Variants in CTNNA2 observed in about 807,000 individuals in gnomAD.
The protein encoded by CTNNA2 is catenin alpha 2, also known as catenin alpha-2.
Under a neutral mutation model 101.0 loss-of-function variants are expected in CTNNA2, and 42 were observed. The ratio of observed to expected loss-of-function variants is 0.42; its 90% confidence interval spans 0.32 to 0.54. The LOEUF (loss-of-function observed/expected upper bound fraction) is 0.54. CTNNA2 is among the 20% of genes least tolerant of loss of function. CTNNA2 has a pLI of 0.14. For missense variants in CTNNA2, 871 were observed against 1,223.1 expected (o/e 0.71, Z 4.29); for synonymous variants, 450 against 456.4 (o/e 0.99, Z 0.18).
In CTNNA2 at chr2:79,924,638, T is replaced by C. The variant is rs142080226; in HGVS notation, c.1056+14841T>C. 1.7e-4 allele frequency among the ~76,000 whole-genome samples: 26 copies of C among 152,260 alleles called. No homozygotes were observed. The East Asian group carries it at 5.0e-3, about 29-fold the overall frequency. The stretch of plus-strand genomic sequence containing the variant: ...TAACTAGACATAGGGATGGTTGTTT[T>C]GTACCCTAACTTGACCAAGGGGTTG... On this transcript the variant is annotated intron_variant, in intron 7 of 18. Transcript: ENST00000402739.
intron 7 of CTNNA2, among the ~76,000 whole-genome samples, chr2:79,989,592 C>T (rs761624622): frequency 2.4e-4 from 36 of 152,298 alleles, no homozygotes; most frequent in East Asian, 1.9e-4. Context: ...ACCATGATCA[C>T]ACCACTGCAC....
chr2:80,639,997 G>A (rs1475237523), intron 18 of CTNNA2, among the ~76,000 whole-genome samples: 1 of 152,040 alleles, frequency 6.6e-6, no homozygotes, highest in Non-Finnish European at 1.5e-5. Flanking sequence ...AGCTACTCAG[G>A]AGGCTGAGGT....
At chr2:79,335,724 G>C (rs892267455) in intron 3 of CTNNA2, among the ~76,000 whole-genome samples, 3 of 152,196 alleles carry the variant, frequency 2.0e-5, no homozygotes, top group African/African-American at 7.2e-5. Context: ...GTTGGGCAAA[G>C]ATGTCTATGA....
At chr2:80,091,255 A>G (rs1699772770) in intron 7 of CTNNA2, among the ~76,000 whole-genome samples, 2 of 152,126 alleles carry the variant, frequency 1.3e-5, no homozygotes, top group South Asian at 2.1e-4. Context: ...GCTACAATTT[A>G]TCAATAGGAC....
At chr2:80,441,899 G>A (rs1344657512) in intron 9 of CTNNA2, among the ~76,000 whole-genome samples, 2 of 152,212 alleles carry the variant, frequency 1.3e-5, no homozygotes, top group Non-Finnish European at 1.5e-5. Context: ...GCCGAGGTGA[G>A]CCATTTTCCT....
At chr2:80,179,291 T>G (rs902020373) in intron 7 of CTNNA2, among the ~76,000 whole-genome samples, 1 of 152,232 alleles carries the variant, frequency 6.6e-6, no homozygotes, top group African/African-American at 2.4e-5. Flanking sequence ...CCAAGATCCA[T>G]CTGTCTTCTG....
At chr2:79,982,192 CTATATA>C (rs70940064) in intron 7 of CTNNA2, among the ~76,000 whole-genome samples, 778 of 74,662 alleles carry the variant, frequency 0.01, 11 homozygotes, top group Admixed American at 0.024. Flanking sequence ...GCATGTGCCA[CTATATA>C]TATATATATA....
At chr2:79,236,450 G>C (rs183423412) in intron 2 of CTNNA2, among the ~76,000 whole-genome samples, 1 of 152,310 alleles carries the variant, frequency 6.6e-6, no homozygotes, top group Admixed American at 6.5e-5. Context: ...TCATTTTGCT[G>C]GTGGAGGGTC....
At chr2:80,036,660 C>T (rs1695671615) in intron 7 of CTNNA2, among the ~76,000 whole-genome samples, 1 of 152,206 alleles carries the variant, frequency 6.6e-6, no homozygotes, top group South Asian at 2.1e-4. Context: ...AGGAGATAAA[C>T]ATGAGCTGGG....
chr2:79,390,549 C>A (rs1573142980), intron 4 of CTNNA2, among the ~76,000 whole-genome samples: 1 of 152,264 alleles, frequency 6.6e-6, no homozygotes, highest in East Asian at 1.9e-4. Context: ...AGTTTTCTTA[C>A]AGCACTTGTC....
At chr2:79,421,114 G>C (rs968355131) in intron 4 of CTNNA2, among the ~76,000 whole-genome samples, 2 of 152,236 alleles carry the variant, frequency 1.3e-5, no homozygotes, top group South Asian at 4.2e-4. Context: ...AGGAGGGTAG[G>C]TTTCCTCTCT....
chr2:79,303,059 C>T (rs564894820), intron 2 of CTNNA2, among the ~76,000 whole-genome samples: 1 of 152,278 alleles, frequency 6.6e-6, no homozygotes, highest in Non-Finnish European at 1.5e-5. Context: ...GGATGCTATG[C>T]TGATTTTTGA....
At chr2:80,269,137 T>C (rs990743510) in intron 7 of CTNNA2, among the ~76,000 whole-genome samples, 1 of 152,214 alleles carries the variant, frequency 6.6e-6, no homozygotes, top group Non-Finnish European at 1.5e-5. Context: ...AAAGGTGATA[T>C]AGTTTGGCTG....
At chr2:80,516,362 C>A (rs150039529) in intron 9 of CTNNA2, among the ~76,000 whole-genome samples, 1 of 152,126 alleles carries the variant, frequency 6.6e-6, no homozygotes, top group African/African-American at 2.4e-5. Flanking sequence ...GATTTCCATG[C>A]GGTCCTTACC....
At chr2:80,629,557 GAA>G (rs1553414565) in intron 18 of CTNNA2, among the ~76,000 whole-genome samples, 1 of 152,128 alleles carries the variant, frequency 6.6e-6, no homozygotes, top group Non-Finnish European at 1.5e-5. Context: ...GGAAGTGGAG[GAA>G]AGAGAAACCT....
At chr2:79,837,357 G>A (rs1000057416) in intron 3 of CTNNA2, among the ~76,000 whole-genome samples, 6 of 152,148 alleles carry the variant, frequency 3.9e-5, no homozygotes. Flanking sequence ...AGCTGTGCTG[G>A]CAGCTGATTA....
intron 3 of CTNNA2, among the ~76,000 whole-genome samples, chr2:79,349,195 A>G (rs1677328955): frequency 6.6e-6 from 1 of 152,218 alleles, no homozygotes; most frequent in Admixed American, 6.5e-5. Context: ...TGGATAGGGT[A>G]TTGCAGCATC....
intron 8 of CTNNA2, among the ~76,000 whole-genome samples, chr2:80,413,717 A>G (rs1559089079): frequency 6.6e-6 from 1 of 152,202 alleles, no homozygotes; most frequent in Non-Finnish European, 1.5e-5. Flanking sequence ...CTTTGATTTT[A>G]CATTTTTAAT....
At chr2:79,379,238 G>A (rs949423657) in intron 4 of CTNNA2, among the ~76,000 whole-genome samples, 6 of 152,110 alleles carry the variant, frequency 3.9e-5, no homozygotes, top group Admixed American at 3.9e-4. Context: ...GGCCTGTCTG[G>A]TTTTCACTAA....
Sources: allele counts gnomAD v4.1 joint callset (sites outside exome capture counted in the v4.1 genomes callset), GRCh38; gene constraint gnomAD v4.1.1; transcripts MANE v1.5; gene names NCBI Gene and HGNC (gene_info 2026-07-23, HGNC 2026-07-21).